WDR76: variants seen among roughly 807,000 people sequenced by gnomAD.
The protein encoded by WDR76 is WD repeat-containing protein 76.
A neutral mutation model predicts 70.2 loss-of-function variants in WDR76; 52 were observed. The ratio of observed to expected loss-of-function variants is 0.74; its 90% confidence interval spans 0.59 to 0.93. WDR76 has a LOEUF of 0.93. WDR76 is among the 40% of genes least tolerant of loss of function. The pLI is 0.00. For missense variants in WDR76, 756 were observed against 760.2 expected, an observed-to-expected ratio of 0.99 and a Z score of 0.07; for synonymous variants, 292 against 271.1, an observed-to-expected ratio of 1.08 and a Z score of -0.76.
intron 2 of WDR76, among the ~76,000 whole-genome samples, chr15:43,829,983 A>G (rs151063868): frequency 2.6e-5 from 4 of 151,442 alleles, no homozygotes; most frequent in African/African-American, 9.7e-5. Flanking sequence ...TACAATTTGC[A>G]TATCTTTTTT....
chr15:43,840,047 C>T (rs371410551), intron 5 of WDR76, among the ~76,000 whole-genome samples: 3 of 151,848 alleles, frequency 2.0e-5, no homozygotes, highest in Admixed American at 1.3e-4. Context: ...TTGGTAGAGA[C>T]GGGGTTTCAC....
In WDR76 at chr15:43,828,014, C is replaced by T. The variant is rs138240795; in HGVS notation, c.110C>T (p.Pro37Leu). 187 of 1,612,982 alleles carry T rather than the reference C, an allele frequency of 1.2e-4. No homozygotes were observed. The highest frequency in any genetic ancestry group is 1.4e-4 in the Non-Finnish European group (168 of 1,179,738). The change falls in exon 2 of 13, where the codon CCA becomes CTA. Residue 37 changes from proline (P) to leucine (L), a missense_variant. By Grantham distance (98) the Pro-to-Leu change is moderately conservative. Transcript: ENST00000263795. Reference sequence around the variant, plus strand: ...AACATCGCTTATGTGTCTCTGAGACCAGCACAGACTACAGTTTTAATAAAA... The same window carrying T: ...AACATCGCTTATGTGTCTCTGAGACTAGCACAGACTACAGTTTTAATAAAA... ...NQNIAYVSLR[P>L]AQTTVLIKTA...
At position 43,837,938 on chromosome 15, in the gene WDR76, C is replaced by T. The variant is rs1366349607; in HGVS notation, c.609-1667C>T. On this transcript the variant is annotated intron_variant, in intron 4 of 12. Transcript: ENST00000263795. ...TTGCCCAGTCTGGAGTGCAGTGGCG[C>T]GATCTCGGCTCACTGCAACCTCCAC... Among the ~76,000 whole-genome samples the T allele has an allele frequency of 1.5e-4, 22 of 148,014 alleles. No homozygotes were observed. In the South Asian group the frequency reaches 1.7e-3, roughly 12 times the overall value.
At chr15:43,858,537 C>T (rs916595523) in intron 10 of WDR76, 134 bp from the exon 11 acceptor site, 3 of 1,165,064 alleles carry the variant, frequency 2.6e-6, no homozygotes, top group Admixed American at 5.4e-5. Flanking sequence ...TGAGCCACCG[C>T]ACCTGGCTGA....
chr15:43,851,064 C>T lies in WDR76; in HGVS notation c.1033-23C>T, dbSNP rs200096394. 716 of 1,609,946 alleles carry T rather than the reference C, an allele frequency of 4.4e-4. 12 individuals are homozygous for T. In the South Asian group the frequency reaches 7.4e-3, roughly 17 times the overall value. On this transcript the variant is annotated intron_variant, in intron 8 of 12. Coordinates refer to ENST00000263795, the MANE Select transcript of WDR76 (RefSeq NM_024908.4). Reference sequence around the variant, plus strand: ...TTTTCACTAGTTTTTTTCTCTCTCCCCTTTCCCGCAACTCTCTTCCAGACC... The same window carrying T: ...TTTTCACTAGTTTTTTTCTCTCTCCTCTTTCCCGCAACTCTCTTCCAGACC...
At position 43,827,172 on chromosome 15, in the gene WDR76, G is replaced by A. The variant is rs114855025; in HGVS notation, c.60+80G>A. ...GTTATGCGGGACACAGGCCCAGGAG[G>A]TCGAGGGCACCTGGCACCGGGGGTA... On this transcript the variant is annotated intron_variant, in intron 1 of 12. Transcript: ENST00000263795. 1.8e-3 allele frequency: 2,778 copies of A among 1,584,694 alleles called. 36 individuals carry two copies. In the African/African-American group the frequency reaches 0.033, roughly 19 times the overall value.
At chr15:43,832,674 G>A (rs1596066466) in intron 2 of WDR76, among the ~76,000 whole-genome samples, 1 of 148,500 alleles carries the variant, frequency 6.7e-6, no homozygotes, top group East Asian at 2.0e-4. Flanking sequence ...TCGAACTCCT[G>A]ATCTCAGGTG....
chr15:43,857,959 GTC>G (rs2087949741), intron 10 of WDR76, among the ~76,000 whole-genome samples: 1 of 123,554 alleles, frequency 8.1e-6, no homozygotes, highest in Non-Finnish European at 1.6e-5. Flanking sequence ...AGAGGGTTCT[GTC>G]TTTTTTTTTT....
chr15:43,835,571 T>C (rs539063638), intron 3 of WDR76, among the ~76,000 whole-genome samples: 12 of 151,964 alleles, frequency 7.9e-5, no homozygotes, highest in African/African-American at 2.9e-4. Flanking sequence ...CATAGTGTCA[T>C]ATGAGGGAGG....
At chr15:43,827,244 T>C in intron 1 of WDR76, 152 bp downstream of exon 1, 1 of 852,472 alleles carries the variant, frequency 1.2e-6, no homozygotes, top group Middle Eastern at 2.3e-4. Flanking sequence ...CGAAAGGTTC[T>C]TATCAATAAC....
chr15:43,840,958 T>C (rs928827381), intron 5 of WDR76, among the ~76,000 whole-genome samples: 7 of 151,566 alleles, frequency 4.6e-5, no homozygotes, highest in African/African-American at 1.7e-4. Flanking sequence ...ATCACACATA[T>C]ATGCAACTGA....
chr15:43,850,686 A>C (rs1220482841), intron 8 of WDR76, among the ~76,000 whole-genome samples: 1 of 152,204 alleles, frequency 6.6e-6, no homozygotes, highest in Non-Finnish European at 1.5e-5. Context: ...ACTGAGAATG[A>C]GTAAGTTAAT....
chr15:43,864,998 C>T (rs28823973), intron 12 of WDR76, among the ~76,000 whole-genome samples: 25,365 of 152,248 alleles, frequency 0.17, 2,921 homozygotes, highest in African/African-American at 0.32. Context: ...GATCTCAGCT[C>T]GCTGCAACCT....
In WDR76 at chr15:43,842,467, A is replaced by T; in HGVS notation, c.785A>T (p.Asn262Ile). The T allele has an allele frequency of 6.2e-7, 1 of 1,614,168 alleles. No individual in the cohort carries two copies. The highest frequency in any genetic ancestry group is 8.5e-7 in the Non-Finnish European group (1 of 1,180,020). The stretch of plus-strand genomic sequence containing the variant: ...ATGACTTCTGAAAATCAAGAAGACA[A>T]CAATGAACGATTTAAAGGATTTCTG... ...LEMTSENQED[N>I]NERFKGFLHT... is the part of the protein sequence containing the mutation. The change falls in exon 6 of 13, where the codon AAC becomes ATC. Residue 262 changes from asparagine (N) to isoleucine (I), a missense_variant. Asn to Ile is a moderately radical substitution (Grantham distance 149). Transcript: ENST00000263795.
intron 2 of WDR76, among the ~76,000 whole-genome samples, chr15:43,832,503 T>A (rs2087602068): frequency 6.6e-6 from 1 of 151,996 alleles, no homozygotes; most frequent in Non-Finnish European, 1.5e-5. Context: ...TGGAGAGCAG[T>A]GGCACAGTCT....
chr15:43,850,371 C>T (rs955393350), intron 8 of WDR76, among the ~76,000 whole-genome samples: 1 of 151,914 alleles, frequency 6.6e-6, no homozygotes, highest in Non-Finnish European at 1.5e-5. Context: ...TGTCGGCTCA[C>T]TGCAAGCTCC....
intron 2 of WDR76, among the ~76,000 whole-genome samples, chr15:43,830,090 C>G (rs1335951543): frequency 6.6e-6 from 1 of 150,604 alleles, no homozygotes; most frequent in African/African-American, 2.4e-5. Flanking sequence ...TGGTCTTAAG[C>G]TCCTGAGCTC....
At chr15:43,846,071 C>G (rs1449471563) in intron 8 of WDR76, among the ~76,000 whole-genome samples, 6 of 149,536 alleles carry the variant, frequency 4.0e-5, no homozygotes, top group Non-Finnish European at 4.5e-5. Flanking sequence ...TTTTGGAAGC[C>G]AAGAGATGAG....
chr15:43,844,353 C>G lies in WDR76; in HGVS notation c.1032+299C>G, dbSNP rs539425532. Among the ~76,000 whole-genome samples, 429 of 152,290 alleles carry G rather than the reference C, an allele frequency of 2.8e-3. 1 individual carries two copies. Among genetic ancestry groups the G allele is most frequent in the African/African-American group, 1.0e-2 (415 of 41,560 alleles). Reference sequence around the variant, plus strand: ...TTTAAAGTGGCCGGGTGCGGTGGGTCACGCCTGTAATGCCAGCACTTTGAG... The same window carrying G: ...TTTAAAGTGGCCGGGTGCGGTGGGTGACGCCTGTAATGCCAGCACTTTGAG... On this transcript the variant is annotated intron_variant, in intron 8 of 12. Coordinates refer to ENST00000263795, the MANE Select transcript of WDR76 (RefSeq NM_024908.4).
Sources: gnomAD v4.1 joint callset for allele counts (sites outside exome capture counted in the v4.1 genomes callset) on GRCh38, gnomAD v4.1.1 for gene constraint, MANE v1.5 for transcripts, NCBI Gene and HGNC (gene_info 2026-07-23, HGNC 2026-07-21) for gene names.